PAK3: variants seen among roughly 807,000 people sequenced by gnomAD.
PAK3 encodes the protein serine/threonine-protein kinase PAK 3.
Under a neutral mutation model 41.0 loss-of-function variants are expected in PAK3, and 4 were observed. That is an observed-to-expected ratio of 0.10 (90% CI 0.05 to 0.22). The LOEUF is 0.22. Among genes scored for constraint, PAK3 ranks in the 10% least tolerant of loss-of-function variants. The probability of loss-of-function intolerance (pLI) is 1.00; values close to 1 mark genes in which losing one functional copy is unlikely to be tolerated. For missense variants in PAK3, 205 were observed against 409.9 expected, an observed-to-expected ratio of 0.50 and a Z score of 4.32; for synonymous variants, 146 against 139.6, an observed-to-expected ratio of 1.05 and a Z score of -0.32.
chrX:111,061,884 G>A lies in PAK3; in HGVS notation c.-27-61193G>A, dbSNP rs890545802. Among the ~76,000 whole-genome samples the A allele has an allele frequency of 1.0e-4, 11 of 110,039 alleles. No individual in the cohort carries two copies. The East Asian group carries it at 1.7e-3, about 17-fold the overall frequency. On this transcript the variant is annotated intron_variant, in intron 1 of 14. Transcript: ENST00000425146. Reference sequence around the variant, plus strand: ...GGCTAGAATACTGTGGCACAATCACGGCTCACTGCAGCCTTGACCTCTTGA... The same window carrying A: ...GGCTAGAATACTGTGGCACAATCACAGCTCACTGCAGCCTTGACCTCTTGA...
intron 5 of PAK3, among the ~76,000 whole-genome samples, chrX:111,132,028 C>T (rs2093725765): frequency 9.0e-6 from 1 of 110,753 alleles, no homozygotes; most frequent in African/African-American, 3.3e-5. Flanking sequence ...AATTCACTTT[C>T]CTGGTAGCTA....
chrX:111,173,876 CAG>C (rs1236435626), intron 11 of PAK3, among the ~76,000 whole-genome samples: 2 of 111,519 alleles, frequency 1.8e-5, no homozygotes, highest in Non-Finnish European at 3.8e-5. Context: ...GCATTTGAAA[CAG>C]GGAAAAGTTT....
intron 4 of PAK3, among the ~76,000 whole-genome samples, chrX:111,118,758 AAT>A (rs754279917): frequency 1.8e-5 from 2 of 111,859 alleles, no homozygotes; most frequent in South Asian, 3.7e-4. Flanking sequence ...CTAAATATGA[AAT>A]AGTTATGTCT....
intron 1 of PAK3, among the ~76,000 whole-genome samples, chrX:111,017,376 C>T (rs768166370): frequency 1.0e-3 from 114 of 111,035 alleles, no homozygotes; most frequent in African/African-American, 2.9e-3. Context: ...AAAAGAGAAG[C>T]CTCAAGTAAC....
At chrX:111,186,284 C>G (rs2094509706) in intron 11 of PAK3, among the ~76,000 whole-genome samples, 1 of 111,410 alleles carries the variant, frequency 9.0e-6, no homozygotes, top group East Asian at 2.8e-4. Context: ...GTTGGAAGTT[C>G]TGGCCAGGGC....
chrX:111,037,682 G>A (rs964031200), intron 1 of PAK3, among the ~76,000 whole-genome samples: 9 of 111,486 alleles, frequency 8.1e-5, no homozygotes, highest in African/African-American at 2.9e-4. Context: ...ATTAAAGCAT[G>A]CATGAATCTC....
intron 1 of PAK3, among the ~76,000 whole-genome samples, chrX:111,025,847 A>G (rs1442502738): frequency 9.1e-6 from 1 of 110,080 alleles, no homozygotes; most frequent in Non-Finnish European, 1.9e-5. Context: ...AACAAAAAAA[A>G]AAAAAAGAAA....
intron 1 of PAK3, among the ~76,000 whole-genome samples, chrX:111,051,687 G>A (rs1428598310): frequency 2.8e-5 from 1 of 36,209 alleles, no homozygotes; most frequent in Non-Finnish European, 6.8e-5. Flanking sequence ...GTGTGTTACC[G>A]TGTGTGTGTC....
Position 110,960,671 on chromosome X carries a change from G to A in PAK3, c.-28+16043G>A, listed in dbSNP as rs150061807. On this transcript the variant is annotated intron_variant, in intron 1 of 14. Transcript: ENST00000425146. ...TTCTGGGTAGGGAAAGGAATAGGGTGTGACTTTTATTTGAAGTTTCCTTGA... is the reference window on the plus strand; with the variant it reads ...TTCTGGGTAGGGAAAGGAATAGGGTATGACTTTTATTTGAAGTTTCCTTGA... Among the ~76,000 whole-genome samples the A allele has an allele frequency of 2.2e-3, 241 of 111,151 alleles. 1 individual carries two copies. The highest frequency in any genetic ancestry group is 7.2e-3 in the African/African-American group (220 of 30,573).
intron 1 of PAK3, among the ~76,000 whole-genome samples, chrX:111,075,233 T>C (rs1311113864): frequency 5.3e-5 from 6 of 112,433 alleles, no homozygotes; most frequent in South Asian, 3.7e-4. Context: ...TCCAAGATAA[T>C]GGGGAAAAGG....
chrX:111,126,395 T>C (rs1275742561), intron 5 of PAK3, among the ~76,000 whole-genome samples: 2 of 111,228 alleles, frequency 1.8e-5, no homozygotes, highest in African/African-American at 3.3e-5. Flanking sequence ...CTTTCTTACC[T>C]TGGGGGTTGT....
At chrX:111,198,626 AG>A (rs1195349315) in intron 16 of PAK3, among the ~76,000 whole-genome samples, 3 of 111,675 alleles carry the variant, frequency 2.7e-5, no homozygotes, top group Non-Finnish European at 5.6e-5. Context: ...GTCAAAAATC[AG>A]GTGGTTGTGG....
chrX:111,080,488 A>G (rs771823066), intron 1 of PAK3, among the ~76,000 whole-genome samples: 1 of 112,612 alleles, frequency 8.9e-6, no homozygotes, highest in South Asian at 3.7e-4. Context: ...TACTTAGTAG[A>G]CTGTAGTATT....
upstream of PAK3, among the ~76,000 whole-genome samples, chrX:111,093,571 T>C (rs2092945966): frequency 8.9e-6 from 1 of 112,017 alleles, no homozygotes; most frequent in Non-Finnish European, 1.9e-5. Context: ...GAACAAACCA[T>C]GTTGACAGTA....
chrX:111,162,372 C>T (rs1245790965), intron 8 of PAK3, among the ~76,000 whole-genome samples: 1 of 111,823 alleles, frequency 8.9e-6, no homozygotes, highest in Non-Finnish European at 1.9e-5. Flanking sequence ...ATGTCTATTA[C>T]TCTCTGAGTG....
At chrX:111,149,291 GTGTC>G (rs1436685934) in intron 7 of PAK3, among the ~76,000 whole-genome samples, 1 of 111,882 alleles carries the variant, frequency 8.9e-6, no homozygotes, top group Non-Finnish European at 1.9e-5. Flanking sequence ...CTGCTGTTGA[GTGTC>G]TGCGGCTTTT....
chrX:111,200,356 C>G (rs1299182056), intron 16 of PAK3, among the ~76,000 whole-genome samples: 1 of 111,894 alleles, frequency 8.9e-6, no homozygotes, highest in East Asian at 2.8e-4. Context: ...TAACTCCTCT[C>G]TGGTACTTGG....
intron 17 of PAK3, among the ~76,000 whole-genome samples, chrX:111,219,206 AATAATAATAATAATAAT>A (rs1439235825): frequency 6.8e-4 from 63 of 92,623 alleles, no homozygotes; most frequent in African/African-American, 3.1e-3. Context: ...TAATAATAAT[AATAATAATAATAATAAT>A]AATAATAATA....
chrX:111,079,069 C>T (rs949383250), intron 1 of PAK3, among the ~76,000 whole-genome samples: 29 of 111,654 alleles, frequency 2.6e-4, no homozygotes, highest in African/African-American at 9.4e-4. Context: ...AGGAAAAACG[C>T]CATCTCCATA....
Sources: gnomAD v4.1 joint callset for allele counts (sites outside exome capture counted in the v4.1 genomes callset) on GRCh38, gnomAD v4.1.1 for gene constraint, MANE v1.5 for transcripts, NCBI Gene and HGNC (gene_info 2026-07-23, HGNC 2026-07-21) for gene names.